The following CDK5RAP2 variants were observed in gnomAD, a reference collection of about 807,000 sequenced individuals.
The protein encoded by CDK5RAP2 is CDK5 regulatory subunit associated protein 2, also known as CDK5 regulatory subunit-associated protein 2.
Under a neutral mutation model 232.9 loss-of-function variants are expected in CDK5RAP2, and 147 were observed. The observed-to-expected ratio is 0.63, with a 90% CI of 0.55 to 0.72. The LOEUF (loss-of-function observed/expected upper bound fraction) is 0.72, where lower values mean the gene tolerates loss of function less well. Ranked by LOEUF, CDK5RAP2 falls within the 30% of genes least tolerant of loss-of-function variation. CDK5RAP2 has a pLI of 0.00. For synonymous variants in CDK5RAP2, 833 were observed against 833.7 expected, an observed-to-expected ratio of 1.00 and a Z score of 0.01; for missense variants, 2,195 against 2,231.5, an observed-to-expected ratio of 0.98 and a Z score of 0.33.
At chr9:120,440,004 C>T (rs1268910681) in intron 23 of CDK5RAP2, 32 bp from the exon 24 acceptor site, 1 of 1,591,100 alleles carries the variant, frequency 6.3e-7, no homozygotes, top group Non-Finnish European at 8.6e-7. Flanking sequence ...GTCAGTATCT[C>T]TTTTACTAAA....
At chr9:120,527,706 C>G in intron 10 of CDK5RAP2, 100 bp downstream of exon 10, 1 of 1,365,716 alleles carries the variant, frequency 7.3e-7, no homozygotes, top group Non-Finnish European at 1.0e-6. Flanking sequence ...TACCTCAGCT[C>G]TCTTATAAAC....
chr9:120,481,186 G>A (rs1224412625), intron 14 of CDK5RAP2, among the ~76,000 whole-genome samples: 2 of 152,214 alleles, frequency 1.3e-5, no homozygotes, highest in Non-Finnish European at 2.9e-5. Context: ...TGACACACAA[G>A]GCTGTTCATG....
chr9:120,497,820 G>A (rs565762947), intron 12 of CDK5RAP2, among the ~76,000 whole-genome samples: 11 of 152,278 alleles, frequency 7.2e-5, no homozygotes, highest in East Asian at 5.8e-4. Flanking sequence ...GAACATGTCC[G>A]GGGTTCAGGG....
intron 15 of CDK5RAP2, among the ~76,000 whole-genome samples, chr9:120,474,711 C>A (rs1032296963): frequency 3.3e-5 from 5 of 152,210 alleles, no homozygotes; most frequent in Admixed American, 1.3e-4. Flanking sequence ...CTAAGTGCTG[C>A]TGTGAAGAAT....
chr9:120,389,925 C>T, intron 36 of CDK5RAP2, 138 bp from the exon 37 acceptor site: 1 of 765,632 alleles, frequency 1.3e-6, no homozygotes, highest in Admixed American at 2.0e-5. Flanking sequence ...AGCATCCAGA[C>T]CAGAGGGAGG....
At chr9:120,442,353 T>C (rs554537056) in intron 23 of CDK5RAP2, among the ~76,000 whole-genome samples, 5 of 152,180 alleles carry the variant, frequency 3.3e-5, no homozygotes, top group Non-Finnish European at 7.4e-5. Context: ...TAACCCTCAA[T>C]GTGAAGGCCA....
In CDK5RAP2 at chr9:120,530,024, C is replaced by T. The variant is rs754779137; in HGVS notation, c.779G>A (p.Arg260Gln). 5.0e-6 allele frequency: 8 copies of T among 1,613,872 alleles called. No individual in the cohort carries two copies. Among genetic ancestry groups the T allele is most frequent in the South Asian group, 3.3e-5 (3 of 91,080 alleles). The change falls in exon 8 of 38, where the codon CGA becomes CAA. Residue 260 changes from arginine to glutamine, a missense_variant. Transcript: ENST00000349780. ...TTCCCTTGGAGCAGCACAAAGTCCT[C>T]GGAGCTCTCCAGATGACACATTCTC... ...PDENVSSGEL[R>Q]GLCAAPREEK...
At chr9:120,436,866 T>C (rs561757622) in intron 25 of CDK5RAP2, among the ~76,000 whole-genome samples, 1 of 152,172 alleles carries the variant, frequency 6.6e-6, no homozygotes, top group African/African-American at 2.4e-5. Context: ...TTTTAACTGA[T>C]AAAAATTTTG....
chr9:120,433,046 G>T (rs573087708), intron 25 of CDK5RAP2, among the ~76,000 whole-genome samples: 30 of 152,184 alleles, frequency 2.0e-4, no homozygotes, highest in Admixed American at 6.5e-5. Context: ...CTGGGAACCG[G>T]TATTAGCAAA....
rs2036285789 is a variant in CDK5RAP2 at position 120,448,019 on chromosome 9, C to G, written c.2901G>C (p.Gln967His). 16 of 1,613,950 alleles carry G rather than the reference C, an allele frequency of 9.9e-6. No homozygotes were observed. Among genetic ancestry groups the G allele is most frequent in the Non-Finnish European group, 1.3e-5 (15 of 1,179,904 alleles). ...TCAGCTCCCCCTGCAGCTCCAAGATCTGGCTCTGCAGCTGCGTCACCACCT... is the reference window on the plus strand; with the variant it reads ...TCAGCTCCCCCTGCAGCTCCAAGATGTGGCTCTGCAGCTGCGTCACCACCT... ...TQEVVTQLQS[Q>H]ILELQGELKE... Residue 967 changes from glutamine (Q) to histidine (H), a missense_variant, in exon 22 of 38, where the codon CAG (glutamine) becomes CAC (histidine). Gln to His is a conservative substitution (Grantham distance 24). Coordinates refer to ENST00000349780, the MANE Select transcript of CDK5RAP2 (RefSeq NM_018249.6).
chr9:120,413,874 G>A (rs1425333341), intron 28 of CDK5RAP2, among the ~76,000 whole-genome samples: 1 of 152,030 alleles, frequency 6.6e-6, no homozygotes, highest in Non-Finnish European at 1.5e-5. Flanking sequence ...GCGAGATGGA[G>A]CCATTCGGTT....
chr9:120,522,611 G>A (rs937217905), intron 11 of CDK5RAP2, among the ~76,000 whole-genome samples: 1 of 152,162 alleles, frequency 6.6e-6, no homozygotes, highest in Admixed American at 6.5e-5. Flanking sequence ...TAGCTGGGAG[G>A]ATGCCATTTC....
chr9:120,396,453 A>C (rs182633082), intron 35 of CDK5RAP2, among the ~76,000 whole-genome samples: 1 of 152,350 alleles, frequency 6.6e-6, no homozygotes, highest in East Asian at 1.9e-4. Flanking sequence ...GGGAATGATC[A>C]TTTCCAACTT....
At chr9:120,495,619 T>TCCG (rs2039151890) in intron 12 of CDK5RAP2, among the ~76,000 whole-genome samples, 1 of 95,956 alleles carries the variant, frequency 1.0e-5, no homozygotes, top group African/African-American at 5.0e-5. Context: ...GAGGAGCGTC[T>TCCG]CCGCCCGGCA....
At chr9:120,410,890 C>G (rs2033805658) in intron 29 of CDK5RAP2, among the ~76,000 whole-genome samples, 1 of 152,132 alleles carries the variant, frequency 6.6e-6, no homozygotes, top group Non-Finnish European at 1.5e-5. Flanking sequence ...TCTTTGGGAG[C>G]CAAGCTCCAA....
Position 120,490,978 on chromosome 9 carries a change from T to C in CDK5RAP2, c.1482+329A>G, listed in dbSNP as rs78912650. On this transcript the variant is annotated intron_variant, in intron 13 of 37. Coordinates refer to ENST00000349780, the MANE Select transcript of CDK5RAP2 (RefSeq NM_018249.6). ...AAAAGTACAGGGGAATGAAAGAGCA[T>C]GGTATAAATAAGTAACAGGAAGTAT... Among the ~76,000 whole-genome samples, 411 of 152,270 alleles carry C rather than the reference T, an allele frequency of 2.7e-3. 5 individuals carry two copies. Among genetic ancestry groups the C allele is most frequent in the African/African-American group, 8.8e-3 (366 of 41,560 alleles).
At chr9:120,441,712 A>T (rs2035908921) in intron 23 of CDK5RAP2, among the ~76,000 whole-genome samples, 1 of 152,234 alleles carries the variant, frequency 6.6e-6, no homozygotes, top group Non-Finnish European at 1.5e-5. Context: ...GTATCTGTTC[A>T]TGATGCAAAT....
chr9:120,461,142 C>T (rs1354625430), intron 18 of CDK5RAP2, among the ~76,000 whole-genome samples: 4 of 152,222 alleles, frequency 2.6e-5, no homozygotes, highest in East Asian at 3.8e-4. Context: ...TTCTATTTAG[C>T]GCAAGGCATA....
chr9:120,415,760 T>C (rs2034173511), intron 27 of CDK5RAP2, among the ~76,000 whole-genome samples: 1 of 152,192 alleles, frequency 6.6e-6, no homozygotes, highest in Admixed American at 6.5e-5. Context: ...AAAGTTATTT[T>C]CCAATGTCTT....
Sources: gnomAD v4.1 joint callset for allele counts (sites outside exome capture counted in the v4.1 genomes callset) on GRCh38, gnomAD v4.1.1 for gene constraint, MANE v1.5 for transcripts, NCBI Gene and HGNC (gene_info 2026-07-23, HGNC 2026-07-21) for gene names.